The following KCNH5 variants were observed in gnomAD, a reference collection of about 807,000 sequenced individuals.
KCNH5 encodes the protein potassium voltage-gated channel subfamily H member 5.
A neutral mutation model predicts 96.1 loss-of-function variants in KCNH5; 46 were observed. The observed-to-expected ratio is 0.48, with a 90% confidence interval of 0.38 to 0.61. The LOEUF (loss-of-function observed/expected upper bound fraction) is 0.61, where lower values mean the gene tolerates loss of function less well. Among genes scored for constraint, KCNH5 ranks in the 20% least tolerant of loss-of-function variants. The pLI, the probability that KCNH5 is intolerant of heterozygous loss-of-function variation, is 0.00. For synonymous variants in KCNH5, 439 were observed against 449.8 expected (o/e 0.98, Z 0.30); for missense variants, 907 against 1,225.8 (o/e 0.74, Z 3.88).
chr14:63,013,960 A>T (rs1179184903), intron 2 of KCNH5, among the ~76,000 whole-genome samples: 2 of 152,180 alleles, frequency 1.3e-5, no homozygotes, highest in Admixed American at 6.6e-5. Flanking sequence ...CATTAAAATA[A>T]ATCATGCTTC....
chr14:62,891,845 G>A (rs941182266), intron 7 of KCNH5, among the ~76,000 whole-genome samples: 5 of 152,114 alleles, frequency 3.3e-5, no homozygotes, highest in Non-Finnish European at 5.9e-5. Flanking sequence ...TGATTGTTTA[G>A]GGATGTCACA....
intron 7 of KCNH5, among the ~76,000 whole-genome samples, chr14:62,927,361 T>C (rs184351660): frequency 8.5e-5 from 13 of 152,206 alleles, no homozygotes; most frequent in Admixed American, 7.2e-4. Flanking sequence ...AAAACTACCA[T>C]ATGATCCAGC....
chr14:62,937,296 C>T (rs923848481), intron 7 of KCNH5, among the ~76,000 whole-genome samples: 2 of 152,160 alleles, frequency 1.3e-5, no homozygotes, highest in African/African-American at 4.8e-5. Context: ...CTCTCCTTGA[C>T]CTGTCTGTCT....
chr14:62,979,291 GA>G (rs941831253), intron 6 of KCNH5, among the ~76,000 whole-genome samples: 7 of 147,698 alleles, frequency 4.7e-5, no homozygotes, highest in Middle Eastern at 3.5e-3. Context: ...AGATAAATTT[GA>G]AAAAAAAAAT....
chr14:62,931,325 C>T (rs1467644505), intron 7 of KCNH5, among the ~76,000 whole-genome samples: 2 of 152,206 alleles, frequency 1.3e-5, no homozygotes, highest in African/African-American at 4.8e-5. Flanking sequence ...CTACATAAAT[C>T]CGGATGATAA....
intron 8 of KCNH5, among the ~76,000 whole-genome samples, chr14:62,845,914 T>C (rs1887681890): frequency 6.6e-6 from 1 of 152,028 alleles, no homozygotes; most frequent in Non-Finnish European, 1.5e-5. Flanking sequence ...CTGCAGGATA[T>C]CATGAAAGAA....
intron 7 of KCNH5, among the ~76,000 whole-genome samples, chr14:62,902,908 T>C (rs1317355032): frequency 2.0e-5 from 3 of 151,832 alleles, no homozygotes; most frequent in African/African-American, 4.8e-5. Context: ...TTAGTAGAGA[T>C]GGGGTTTCAC....
chr14:62,936,627 C>T (rs1413374547), intron 7 of KCNH5, among the ~76,000 whole-genome samples: 6 of 144,506 alleles, frequency 4.2e-5, no homozygotes, highest in Non-Finnish European at 7.5e-5. Context: ...GTGAGCTGAG[C>T]TCACGCCACT....
intron 7 of KCNH5, among the ~76,000 whole-genome samples, chr14:62,870,965 T>G (rs1249706269): frequency 6.6e-6 from 1 of 152,176 alleles, no homozygotes; most frequent in Admixed American, 6.5e-5. Flanking sequence ...AAACTGCCTC[T>G]CAATAAACAC....
rs1239262068 is a variant in KCNH5 at position 62,779,814 on chromosome 14, C to T, written c.1933G>A (p.Ala645Thr). The change falls in exon 10 of 11, where the codon GCC becomes ACC. Residue 645 changes from alanine (A) to threonine (T), a missense_variant. Coordinates refer to ENST00000322893, the MANE Select transcript of KCNH5 (RefSeq NM_139318.5). ...YCDLHIIKREALLKVLDFYTA... is the reference protein window; with the variant it reads ...YCDLHIIKRETLLKVLDFYTA... ...TAAAAGTCCAGGACTTTGAGCAAGG[C>T]TTCCCGCTTGATGATGTGTAGGTCA... is the stretch of plus-strand genomic sequence containing the variant. 6 of 1,613,900 alleles carry T rather than the reference C, an allele frequency of 3.7e-6. No individual in the cohort carries two copies. Among genetic ancestry groups the T allele is most frequent in the Admixed American group, 1.7e-5 (1 of 59,984 alleles).
At chr14:62,956,513 A>C (rs975965307) in intron 6 of KCNH5, among the ~76,000 whole-genome samples, 2 of 151,940 alleles carry the variant, frequency 1.3e-5, no homozygotes, top group Admixed American at 1.3e-4. Context: ...ATATTTAAAC[A>C]TCAAAAAAAT....
intron 8 of KCNH5, among the ~76,000 whole-genome samples, chr14:62,831,470 C>T (rs1219257208): frequency 6.6e-6 from 1 of 152,128 alleles, no homozygotes; most frequent in Admixed American, 6.6e-5. Flanking sequence ...ATTTCCCTTA[C>T]TACTGCTGAA....
intron 2 of KCNH5, among the ~76,000 whole-genome samples, chr14:63,010,565 T>C (rs1341250663): frequency 6.6e-6 from 1 of 152,210 alleles, no homozygotes; most frequent in Non-Finnish European, 1.5e-5. Context: ...GCCACTTTTC[T>C]TGTCACACAA....
At chr14:62,731,203 A>G (rs1470131523) in intron 10 of KCNH5, among the ~76,000 whole-genome samples, 1 of 152,046 alleles carries the variant, frequency 6.6e-6, no homozygotes, top group Non-Finnish European at 1.5e-5. Flanking sequence ...TGGGAGGCTG[A>G]AGCTGGAGAA....
chr14:62,787,471 G>A (rs1886342112), intron 9 of KCNH5, among the ~76,000 whole-genome samples: 1 of 152,186 alleles, frequency 6.6e-6, no homozygotes, highest in African/African-American at 2.4e-5. Context: ...CACAAGTACT[G>A]ATGTAGAAGC....
intron 7 of KCNH5, among the ~76,000 whole-genome samples, chr14:62,859,540 T>C (rs1195663968): frequency 2.0e-5 from 3 of 152,196 alleles, no homozygotes; most frequent in Non-Finnish European, 4.4e-5. Context: ...AAAAAGTCCA[T>C]CCACATACCT....
chr14:62,715,659 T>C (rs1884668331), intron 10 of KCNH5, among the ~76,000 whole-genome samples: 1 of 152,182 alleles, frequency 6.6e-6, no homozygotes, highest in Non-Finnish European at 1.5e-5. Flanking sequence ...CCTTGTTTAC[T>C]TCAGCCACTC....
chr14:63,018,011 T>C (rs1891357853), intron 1 of KCNH5, among the ~76,000 whole-genome samples: 1 of 151,926 alleles, frequency 6.6e-6, no homozygotes. Flanking sequence ...TTGCTCTCAA[T>C]AAGTGTGTAT....
At chr14:62,906,313 A>T (rs908429609) in intron 7 of KCNH5, among the ~76,000 whole-genome samples, 1 of 152,140 alleles carries the variant, frequency 6.6e-6, no homozygotes, top group Non-Finnish European at 1.5e-5. Context: ...ACAGACACGC[A>T]CATACTTGGT....
Sources: gnomAD v4.1 joint callset for allele counts (sites outside exome capture counted in the v4.1 genomes callset) on GRCh38, gnomAD v4.1.1 for gene constraint, MANE v1.5 for transcripts, NCBI Gene and HGNC (gene_info 2026-07-23, HGNC 2026-07-21) for gene names.